The following CNKSR2 variants were observed in gnomAD, a reference collection of about 807,000 sequenced individuals.
CNKSR2 encodes connector enhancer of kinase suppressor of Ras 2.
CNKSR2 carries 14 observed loss-of-function variants against 84.4 expected under a neutral mutation model. That is an observed-to-expected ratio of 0.17 (90% CI 0.11 to 0.26). CNKSR2 has a LOEUF of 0.26. Among genes scored for constraint, CNKSR2 ranks in the 10% least tolerant of loss-of-function variants. The pLI, the probability that CNKSR2 is intolerant of heterozygous loss-of-function variation, is 1.00. For synonymous variants in CNKSR2, 275 were observed against 277.9 expected (o/e 0.99, Z 0.10); for missense variants, 485 against 771.2 (o/e 0.63, Z 4.40).
At chrX:21,414,178 T>C (rs2090385325) in intron 1 of CNKSR2, among the ~76,000 whole-genome samples, 1 of 111,178 alleles carries the variant, frequency 9.0e-6, no homozygotes, top group Non-Finnish European at 1.9e-5. Flanking sequence ...CTAATTTACA[T>C]TCCCACCAAC....
chrX:21,601,490 A>G, intron 18 of CNKSR2, 141 bp downstream of exon 18: 1 of 416,364 alleles, frequency 2.4e-6, no homozygotes, highest in Non-Finnish European at 4.1e-6. Context: ...AGTGAGGTTT[A>G]ACAACTTATA....
chrX:21,443,780 A>C (rs1354235684), intron 4 of CNKSR2, among the ~76,000 whole-genome samples: 1 of 111,523 alleles, frequency 9.0e-6, no homozygotes, highest in Non-Finnish European at 1.9e-5. Context: ...TTTACCTGTC[A>C]GATGTATTTT....
At chrX:21,572,503 T>A (rs2092290651) in intron 13 of CNKSR2, among the ~76,000 whole-genome samples, 1 of 111,985 alleles carries the variant, frequency 8.9e-6, no homozygotes. Flanking sequence ...GGGTAATTTA[T>A]AAAGGAAAGA....
chrX:21,512,230 G>A (rs1388379438), intron 8 of CNKSR2, among the ~76,000 whole-genome samples: 1 of 111,467 alleles, frequency 9.0e-6, no homozygotes, highest in African/African-American at 3.3e-5. Context: ...GGCTCTTTAG[G>A]CCAGTAATAT....
chrX:21,433,294 A>G (rs868827589), intron 3 of CNKSR2, among the ~76,000 whole-genome samples: 3 of 111,418 alleles, frequency 2.7e-5, no homozygotes, highest in Middle Eastern at 4.6e-3. Context: ...ACATTGTACT[A>G]TTTTGGATAT....
intron 1 of CNKSR2, among the ~76,000 whole-genome samples, chrX:21,420,011 C>A (rs1436586538): frequency 8.9e-6 from 1 of 112,438 alleles, no homozygotes; most frequent in Non-Finnish European, 1.9e-5. Flanking sequence ...CTGGGTGGGT[C>A]CAGAGGTGCT....
intron 20 of CNKSR2, among the ~76,000 whole-genome samples, chrX:21,629,954 CA>C (rs1173098525): frequency 1.8e-5 from 2 of 112,119 alleles, no homozygotes; most frequent in Non-Finnish European, 3.8e-5. Flanking sequence ...CAACTCATTT[CA>C]GTCAGGTTTA....
At chrX:21,439,170 A>G (rs949791858) in intron 3 of CNKSR2, among the ~76,000 whole-genome samples, 4 of 111,569 alleles carry the variant, frequency 3.6e-5, no homozygotes, top group Non-Finnish European at 5.7e-5. Flanking sequence ...AAGATAGACC[A>G]TATCTGTATC....
chrX:21,499,792 G>T (rs1159604537), intron 7 of CNKSR2, among the ~76,000 whole-genome samples: 1 of 110,211 alleles, frequency 9.1e-6, no homozygotes, highest in Non-Finnish European at 1.9e-5. Flanking sequence ...GTGAAATGAG[G>T]CATTTGGACA....
chrX:21,560,684 G>C (rs1421057220), intron 11 of CNKSR2, among the ~76,000 whole-genome samples: 1 of 111,131 alleles, frequency 9.0e-6, no homozygotes, highest in Non-Finnish European at 1.9e-5. Flanking sequence ...ATTTTATTTG[G>C]CTGTTTTAGG....
chrX:21,447,832 T>C (rs542650533), intron 4 of CNKSR2, among the ~76,000 whole-genome samples: 1 of 111,699 alleles, frequency 9.0e-6, no homozygotes, highest in Non-Finnish European at 1.9e-5. Flanking sequence ...TTAGAAACTT[T>C]AGGAGTTTAG....
intron 11 of CNKSR2, among the ~76,000 whole-genome samples, chrX:21,547,552 T>A (rs1313535915): frequency 9.0e-6 from 1 of 111,402 alleles, no homozygotes; most frequent in Non-Finnish European, 1.9e-5. Flanking sequence ...TATTTAGGAC[T>A]TGAACTCAGC....
chrX:21,437,634 G>T (rs1249765242), intron 3 of CNKSR2, among the ~76,000 whole-genome samples: 1 of 108,866 alleles, frequency 9.2e-6, no homozygotes, highest in Non-Finnish European at 1.9e-5. Flanking sequence ...TGGCCAGGCT[G>T]GTCTTGAACT....
chrX:21,460,413 T>G (rs1203165683), intron 4 of CNKSR2, among the ~76,000 whole-genome samples: 1 of 111,988 alleles, frequency 8.9e-6, no homozygotes, highest in Admixed American at 9.5e-5. Context: ...ATTTCAAATT[T>G]TTTGTGGATA....
chrX:21,566,106 AG>A (rs2147196779), intron 13 of CNKSR2, among the ~76,000 whole-genome samples: 1 of 111,947 alleles, frequency 8.9e-6, no homozygotes, highest in South Asian at 3.7e-4. Context: ...TGCATTTGAA[AG>A]GCTTGACTTG....
At chrX:21,628,750 T>C (rs2092635298) in intron 20 of CNKSR2, among the ~76,000 whole-genome samples, 1 of 111,165 alleles carries the variant, frequency 9.0e-6, no homozygotes, top group Non-Finnish European at 1.9e-5. Flanking sequence ...CGAAACCACT[T>C]TTTCCTCCTA....
chrX:21,400,690 G>A (rs1006289728), intron 1 of CNKSR2, among the ~76,000 whole-genome samples: 1 of 110,662 alleles, frequency 9.0e-6, no homozygotes, highest in Non-Finnish European at 1.9e-5. Flanking sequence ...TTTTATTTAA[G>A]ATCAGATATT....
chrX:21,426,441 C>T (rs1001664248), intron 1 of CNKSR2, 56 bp from the exon 2 acceptor site: 1 of 1,093,085 alleles, frequency 9.1e-7, no homozygotes, highest in African/African-American at 1.8e-5. Flanking sequence ...CCACCCTTCA[C>T]ATTTATTTGG....
intron 13 of CNKSR2, among the ~76,000 whole-genome samples, chrX:21,573,144 T>A (rs908864483): frequency 1.8e-5 from 2 of 112,096 alleles, no homozygotes; most frequent in African/African-American, 6.5e-5. Context: ...TCCAGAATGA[T>A]CTCCTTTGAC....
Sources: gnomAD v4.1 joint callset for allele counts (sites outside exome capture counted in the v4.1 genomes callset) on GRCh38, gnomAD v4.1.1 for gene constraint, MANE v1.5 for transcripts, NCBI Gene and HGNC (gene_info 2026-07-23, HGNC 2026-07-21) for gene names.